JMJD1C: variants seen among roughly 807,000 people sequenced by gnomAD.
JMJD1C encodes jumonji domain containing 1C.
In JMJD1C, 31 loss-of-function variants were observed where a neutral mutation model predicts 245.3. The ratio of observed to expected loss-of-function variants is 0.13; its 90% confidence interval spans 0.09 to 0.17. The LOEUF is 0.17. JMJD1C is among the 10% of genes least tolerant of loss of function. The pLI is 1.00. For missense variants in JMJD1C, 2,691 were observed against 3,000.2 expected, an observed-to-expected ratio of 0.90 and a Z score of 2.41; for synonymous variants, 1,057 against 1,017.4, an observed-to-expected ratio of 1.04 and a Z score of -0.74.
chr10:63,370,202 G>A (rs1290774795), intron 2 of JMJD1C, among the ~76,000 whole-genome samples: 1 of 152,146 alleles, frequency 6.6e-6, no homozygotes, highest in Non-Finnish European at 1.5e-5. Flanking sequence ...GCAATAAACT[G>A]TAGGCATGAA....
chr10:63,311,093 G>A (rs753308066), intron 2 of JMJD1C, among the ~76,000 whole-genome samples: 27 of 151,980 alleles, frequency 1.8e-4, no homozygotes, highest in African/African-American at 6.5e-4. Context: ...AATTCCGGCC[G>A]GGTGCAGTGG....
intron 3 of JMJD1C, among the ~76,000 whole-genome samples, chr10:63,254,422 A>G (rs752429695): frequency 2.6e-5 from 4 of 152,224 alleles, no homozygotes; most frequent in Non-Finnish European, 5.9e-5. Context: ...GATATTAACT[A>G]TAAGAAAAAT....
At chr10:63,501,777 A>G (rs1165102943) in intron 1 of JMJD1C, among the ~76,000 whole-genome samples, 1 of 151,932 alleles carries the variant, frequency 6.6e-6, no homozygotes, top group Non-Finnish European at 1.5e-5. Context: ...CTCCATCTCA[A>G]AAAAAAAGAA....
chr10:63,427,677 C>CTGG, intron 1 of JMJD1C: 1 of 1,297,380 alleles, frequency 7.7e-7, no homozygotes, highest in East Asian at 2.3e-5. Context: ...CCGAAATCCG[C>CTGG]AGAGAAGCCT....
chr10:63,237,759 A>T (rs1291254809), intron 3 of JMJD1C, among the ~76,000 whole-genome samples: 2 of 152,174 alleles, frequency 1.3e-5, no homozygotes, highest in Non-Finnish European at 2.9e-5. Context: ...TCTGAAATCC[A>T]AAATGCTCCA....
At chr10:63,278,725 G>A (rs929255251) in intron 2 of JMJD1C, among the ~76,000 whole-genome samples, 2 of 151,250 alleles carry the variant, frequency 1.3e-5, no homozygotes, top group Non-Finnish European at 2.9e-5. Context: ...TGTAATCCCA[G>A]CTACTTGGGA....
At chr10:63,517,433 G>A (rs1955054381) in intron 1 of JMJD1C, among the ~76,000 whole-genome samples, 2 of 152,064 alleles carry the variant, frequency 1.3e-5, no homozygotes, top group South Asian at 4.1e-4. Context: ...TATTCAACAG[G>A]AAACATACAG....
chr10:63,213,260 T>C (rs1847581715), intron 8 of JMJD1C, among the ~76,000 whole-genome samples: 1 of 151,550 alleles, frequency 6.6e-6, no homozygotes, highest in African/African-American at 2.4e-5. Context: ...ATCTAAAAAG[T>C]TTTACTTCTT....
At chr10:63,187,870 C>T (rs572839498) in intron 18 of JMJD1C, among the ~76,000 whole-genome samples, 1 of 152,276 alleles carries the variant, frequency 6.6e-6, no homozygotes, top group Middle Eastern at 3.4e-3. Context: ...AAAACTATCA[C>T]CTAGAGTATA....
At chr10:63,351,534 A>T (rs1315099724) in intron 2 of JMJD1C, among the ~76,000 whole-genome samples, 3 of 152,230 alleles carry the variant, frequency 2.0e-5, no homozygotes, top group Non-Finnish European at 4.4e-5. Context: ...GTATGAAAAA[A>T]GCTGGAATGG....
Position 63,520,505 on chromosome 10 carries a change from C to CAA in JMJD1C, n.113+1231_113+1232dup, listed in dbSNP as rs34697427. On this transcript the variant is annotated intron_variant and non_coding_transcript_variant, in intron 1 of 3. Transcript: ENST00000633035. ...TCATTTTCTCAATTTGGTACTGTCA[C>CAA]AAAAAAAAAAAAAAAACAGTTTTAA... 3.4e-3 allele frequency among the ~76,000 whole-genome samples: 375 copies of CAA among 111,272 alleles called. 1 individual carries two copies. Among genetic ancestry groups the CAA allele is most frequent in the South Asian group, 0.013 (49 of 3,722 alleles). The allele number at this position is 111,272 out of a possible 152,430, so 73.0% of individuals were successfully genotyped here. A position where few individuals can be genotyped will look rare whatever the true frequency, so the allele number is the denominator to read the frequency against.
intron 1 of JMJD1C, among the ~76,000 whole-genome samples, chr10:63,442,956 T>C (rs72837027): frequency 0.028 from 4,270 of 152,244 alleles, 87 homozygotes; most frequent in Non-Finnish European, 0.045. Context: ...CTACCCAGAG[T>C]TAGCATCAGA....
At chr10:63,336,866 C>T (rs1942788795) in intron 2 of JMJD1C, among the ~76,000 whole-genome samples, 1 of 152,070 alleles carries the variant, frequency 6.6e-6, no homozygotes, top group Admixed American at 6.6e-5. Context: ...TTTTTTAAGA[C>T]AGAGACTTGC....
At chr10:63,424,019 T>C (rs1287548096) in intron 1 of JMJD1C, among the ~76,000 whole-genome samples, 1 of 152,244 alleles carries the variant, frequency 6.6e-6, no homozygotes, top group Admixed American at 6.5e-5. Flanking sequence ...AGAAGTTCTT[T>C]ATATATTCTG....
intron 1 of JMJD1C, among the ~76,000 whole-genome samples, chr10:63,439,260 T>C (rs1951225558): frequency 6.6e-6 from 1 of 152,226 alleles, no homozygotes; most frequent in Non-Finnish European, 1.5e-5. Flanking sequence ...GTAGCTTTCT[T>C]CTCTGTAGAA....
chr10:63,351,080 CTTTT>C (rs998025835), intron 2 of JMJD1C, among the ~76,000 whole-genome samples: 3 of 131,074 alleles, frequency 2.3e-5, no homozygotes. Flanking sequence ...AGAAATTTTT[CTTTT>C]TTTTTTTTTT....
At chr10:63,248,124 C>T (rs376688938) in intron 3 of JMJD1C, among the ~76,000 whole-genome samples, 12 of 150,562 alleles carry the variant, frequency 8.0e-5, no homozygotes, top group South Asian at 2.1e-4. Flanking sequence ...CCACTCAGGA[C>T]GCTGAAGCAG....
At chr10:63,198,780 C>A in intron 11 of JMJD1C, 53 bp from the exon 12 acceptor site, 1 of 1,043,688 alleles carries the variant, frequency 9.6e-7, no homozygotes, top group South Asian at 1.7e-5. Flanking sequence ...AAACATAAGT[C>A]CAGTCTTTAA....
intron 9 of JMJD1C, 109 bp downstream of exon 9, chr10:63,208,954 C>A: frequency 8.8e-7 from 1 of 1,132,584 alleles, no homozygotes; most frequent in Non-Finnish European, 1.2e-6. Context: ...CAAAACAGAA[C>A]AAAGCCTAAT....
Sources: gnomAD v4.1 joint callset for allele counts (sites outside exome capture counted in the v4.1 genomes callset) on GRCh38, gnomAD v4.1.1 for gene constraint, MANE v1.5 for transcripts, NCBI Gene and HGNC (gene_info 2026-07-23, HGNC 2026-07-21) for gene names.